The following EYA4 variants were observed in gnomAD, a reference collection of about 807,000 sequenced individuals.
EYA4 encodes the protein protein phosphatase EYA4.
EYA4 carries 31 observed loss-of-function variants against 87.9 expected under a neutral mutation model. The observed-to-expected ratio is 0.35, with a 90% CI of 0.27 to 0.48. EYA4 has a LOEUF of 0.48. EYA4 is among the 20% of genes least tolerant of loss of function. The pLI is 0.99. For synonymous variants in EYA4, 263 were observed against 270.6 expected (o/e 0.97, Z 0.28); for missense variants, 678 against 761.4 (o/e 0.89, Z 1.29).
intron 2 of EYA4, among the ~76,000 whole-genome samples, chr6:133,314,734 AATTTTG>A (rs1367135558): frequency 1.3e-5 from 2 of 152,196 alleles, no homozygotes; most frequent in Non-Finnish European, 2.9e-5. Context: ...AAAAAAGGTT[AATTTTG>A]ATTTTGATTT....
At chr6:133,424,454 T>C (rs1262445474) in intron 3 of EYA4, among the ~76,000 whole-genome samples, 1 of 151,982 alleles carries the variant, frequency 6.6e-6, no homozygotes, top group Non-Finnish European at 1.5e-5. Context: ...CAACCCCTGC[T>C]CTGATCTTGG....
rs148349222 is a variant in EYA4, at chr6:133,255,738, T to C, written c.-66+13989T>C. Among the ~76,000 whole-genome samples the C allele has an allele frequency of 7.5e-3, 1,144 of 152,230 alleles. 13 individuals carry two copies. Among genetic ancestry groups the C allele is most frequent in the African/African-American group, 0.027 (1,108 of 41,556 alleles). ...TTGATCTGCTGAATCTTGAATATTTTTCCACATCAGTACATATAGTTTTGG... is the reference window on the plus strand; with the variant it reads ...TTGATCTGCTGAATCTTGAATATTTCTCCACATCAGTACATATAGTTTTGG... On this transcript the variant is annotated intron_variant, in intron 1 of 19. Transcript: ENST00000355286.
At chr6:133,358,650 A>G (rs909574623) in intron 2 of EYA4, among the ~76,000 whole-genome samples, 1 of 152,196 alleles carries the variant, frequency 6.6e-6, no homozygotes, top group Non-Finnish European at 1.5e-5. Flanking sequence ...TTACATTTGT[A>G]TATTCATTCA....
Position 133,481,588 on chromosome 6 carries a change from A to T in EYA4, c.1096A>T (p.Ser366Cys). The change falls in exon 12 of 20, where the codon AGT becomes TGT. Residue 366 changes from serine (S) to cysteine (C), a missense_variant. Ser to Cys is a moderately radical substitution (Grantham distance 112, BLOSUM62 -1). Coordinates refer to ENST00000355286, the MANE Select transcript of EYA4 (RefSeq NM_004100.5). ...AAATAATCCCTCCCCGCCTCCTGAT[A>T]GTGACCTGGAGGTATGCCTACTCAT... ...RKNNPSPPPD[S>C]DLERVFVWDL... 1 of 1,613,990 alleles carries T rather than the reference A, an allele frequency of 6.2e-7. No homozygotes were observed. Among genetic ancestry groups the T allele is most frequent in the Non-Finnish European group, 8.5e-7 (1 of 1,179,892 alleles).
chr6:133,428,154 T>G (rs1790840412), intron 3 of EYA4, among the ~76,000 whole-genome samples: 1 of 152,186 alleles, frequency 6.6e-6, no homozygotes. Flanking sequence ...TAGAAGAGTC[T>G]ATAGAAAATC....
At chr6:133,275,833 T>G (rs1215880315) in intron 2 of EYA4, among the ~76,000 whole-genome samples, 1 of 152,178 alleles carries the variant, frequency 6.6e-6, no homozygotes, top group Non-Finnish European at 1.5e-5. Context: ...ATATATTATA[T>G]TATGATTTAT....
At chr6:133,287,430 A>T (rs1040235553) in intron 2 of EYA4, among the ~76,000 whole-genome samples, 1 of 152,138 alleles carries the variant, frequency 6.6e-6, no homozygotes, top group Non-Finnish European at 1.5e-5. Flanking sequence ...TACCAAATAT[A>T]AGGTGTTAAG....
At chr6:133,448,715 A>G (rs1460302953) in intron 5 of EYA4, among the ~76,000 whole-genome samples, 2 of 152,236 alleles carry the variant, frequency 1.3e-5, no homozygotes, top group African/African-American at 4.8e-5. Flanking sequence ...ATTTAAAACT[A>G]GAAATTAATA....
At chr6:133,486,295 TAATA>T (rs1172857792) in intron 13 of EYA4, among the ~76,000 whole-genome samples, 1 of 151,574 alleles carries the variant, frequency 6.6e-6, no homozygotes, top group African/African-American at 2.4e-5. Flanking sequence ...TTTTAGCCAG[TAATA>T]AATAATATCT....
chr6:133,379,465 G>A (rs1040997984), intron 2 of EYA4, among the ~76,000 whole-genome samples: 1 of 151,932 alleles, frequency 6.6e-6, no homozygotes, highest in African/African-American at 2.4e-5. Flanking sequence ...CCTTAATTCA[G>A]AAATAAGATA....
chr6:133,262,232 A>G (rs1775853929), intron 1 of EYA4, among the ~76,000 whole-genome samples: 1 of 152,234 alleles, frequency 6.6e-6, no homozygotes, highest in Non-Finnish European at 1.5e-5. Context: ...CAGGTTACAC[A>G]GAAGAGAGAT....
intron 5 of EYA4, 117 bp from the exon 6 acceptor site, chr6:133,456,439 A>G (rs539314682): frequency 7.7e-5 from 61 of 788,848 alleles, no homozygotes; most frequent in South Asian, 5.1e-4. Context: ...CTCTTCATCA[A>G]CTTCTCAGGT....
chr6:133,328,035 T>TA (rs1781641036), intron 2 of EYA4, among the ~76,000 whole-genome samples: 2 of 152,180 alleles, frequency 1.3e-5, no homozygotes, highest in Non-Finnish European at 2.9e-5. Flanking sequence ...CTGAATAAGT[T>TA]AGAGTCTTTG....
chr6:133,273,137 T>C (rs1218954521), intron 1 of EYA4, among the ~76,000 whole-genome samples: 1 of 115,260 alleles, frequency 8.7e-6, no homozygotes, highest in African/African-American at 3.4e-5. Flanking sequence ...TTATTAAATA[T>C]TAACTCACAT....
At chr6:133,478,778 T>A (rs898004128) in intron 11 of EYA4, among the ~76,000 whole-genome samples, 19 of 152,146 alleles carry the variant, frequency 1.2e-4, no homozygotes, top group African/African-American at 4.6e-4. Context: ...CCCAGATACG[T>A]CCTACAACCA....
At chr6:133,403,915 A>G (rs911455243) in intron 3 of EYA4, among the ~76,000 whole-genome samples, 8 of 152,140 alleles carry the variant, frequency 5.3e-5, no homozygotes, top group Non-Finnish European at 8.8e-5. Flanking sequence ...AGTTCAAGCA[A>G]TTCTCCTGCC....
chr6:133,355,466 G>T (rs1340584653), intron 2 of EYA4, among the ~76,000 whole-genome samples: 2 of 152,210 alleles, frequency 1.3e-5, no homozygotes, highest in East Asian at 3.8e-4. Context: ...TCAAGAAAAT[G>T]TGGTACCTAT....
intron 19 of EYA4, among the ~76,000 whole-genome samples, chr6:133,525,701 T>A (rs879920473): frequency 6.6e-6 from 1 of 152,132 alleles, no homozygotes; most frequent in Non-Finnish European, 1.5e-5. Context: ...ATGAGCTCCA[T>A]ACAAAAGTCA....
chr6:133,494,278 T>C (rs1797435170), intron 13 of EYA4, among the ~76,000 whole-genome samples: 1 of 152,162 alleles, frequency 6.6e-6, no homozygotes. Flanking sequence ...GCAACATGGA[T>C]GGAACTGGAG....
Sources: allele counts gnomAD v4.1 joint callset (sites outside exome capture counted in the v4.1 genomes callset), GRCh38; gene constraint gnomAD v4.1.1; transcripts MANE v1.5; gene names NCBI Gene and HGNC (gene_info 2026-07-23, HGNC 2026-07-21).